Variants in PDSS2 observed in about 807,000 individuals in gnomAD.
PDSS2 encodes decaprenyl diphosphate synthase subunit 2.
Under a neutral mutation model 44.5 loss-of-function variants are expected in PDSS2, and 31 were observed. The observed-to-expected ratio is 0.70, with a 90% CI of 0.52 to 0.94. The LOEUF is 0.94. PDSS2 is among the 40% of genes least tolerant of loss of function. The pLI is 0.00. For synonymous variants in PDSS2, 157 were observed against 180.3 expected, an observed-to-expected ratio of 0.87 and a Z score of 1.03; for missense variants, 452 against 482.2, an observed-to-expected ratio of 0.94 and a Z score of 0.59.
intron 1 of PDSS2, among the ~76,000 whole-genome samples, chr6:107,420,063 T>A (rs972149203): frequency 6.6e-5 from 10 of 152,206 alleles, no homozygotes; most frequent in African/African-American, 2.4e-4. Flanking sequence ...CCTTAAGAAC[T>A]TACCTATCTA....
At chr6:107,287,401 A>T (rs1404617255) in intron 2 of PDSS2, among the ~76,000 whole-genome samples, 1 of 152,230 alleles carries the variant, frequency 6.6e-6, no homozygotes, top group Non-Finnish European at 1.5e-5. Context: ...AAGTTGGTAC[A>T]ATCACTTAGA....
intron 1 of PDSS2, among the ~76,000 whole-genome samples, chr6:107,397,913 A>T (rs1779998435): frequency 6.6e-6 from 1 of 152,222 alleles, no homozygotes. Flanking sequence ...TTGGAAGAGA[A>T]GCATACCTCA....
At chr6:107,312,907 A>G (rs933712930) in intron 2 of PDSS2, among the ~76,000 whole-genome samples, 2 of 152,232 alleles carry the variant, frequency 1.3e-5, no homozygotes, top group African/African-American at 2.4e-5. Context: ...AATTTTATAC[A>G]TGAGTATCCT....
intron 1 of PDSS2, among the ~76,000 whole-genome samples, chr6:107,341,583 T>C (rs1296333225): frequency 6.6e-6 from 1 of 152,150 alleles, no homozygotes; most frequent in African/African-American, 2.4e-5. Context: ...GGAGAATTCC[T>C]ACACTTAAAG....
intron 2 of PDSS2, among the ~76,000 whole-genome samples, chr6:107,292,384 A>C (rs909713928): frequency 1.1e-4 from 16 of 152,336 alleles, no homozygotes; most frequent in Admixed American, 3.9e-4. Flanking sequence ...CAAAAAAGAA[A>C]ACTCAGTATT....
At chr6:107,243,083 T>C (rs947428139) in intron 4 of PDSS2, among the ~76,000 whole-genome samples, 1 of 152,228 alleles carries the variant, frequency 6.6e-6, no homozygotes, top group African/African-American at 2.4e-5. Context: ...TCAAAGACTT[T>C]GTTGCTTCTT....
chr6:107,260,959 G>GC (rs1040459769), intron 3 of PDSS2, among the ~76,000 whole-genome samples: 24 of 152,046 alleles, frequency 1.6e-4, no homozygotes, highest in African/African-American at 4.8e-4. Flanking sequence ...ATCGCGCCTG[G>GC]CCCCCCCTCC....
chr6:107,276,975 AGT>A (rs1775806036), intron 2 of PDSS2, among the ~76,000 whole-genome samples: 3 of 152,234 alleles, frequency 2.0e-5, no homozygotes, highest in African/African-American at 7.2e-5. Context: ...GCAAAGGAAC[AGT>A]CCAGCCAAAC....
At chr6:107,443,583 G>A (rs1781573831) in intron 1 of PDSS2, among the ~76,000 whole-genome samples, 1 of 152,222 alleles carries the variant, frequency 6.6e-6, no homozygotes, top group Non-Finnish European at 1.5e-5. Flanking sequence ...GGAAGGGCAA[G>A]TTTAGCATCA....
At chr6:107,397,314 G>A (rs188291631) in intron 1 of PDSS2, among the ~76,000 whole-genome samples, 3 of 152,110 alleles carry the variant, frequency 2.0e-5, no homozygotes, top group Admixed American at 2.0e-4. Flanking sequence ...TAAAACTGTT[G>A]GAGACTTAAC....
At chr6:107,259,543 C>T (rs941222779) in intron 3 of PDSS2, among the ~76,000 whole-genome samples, 2 of 151,916 alleles carry the variant, frequency 1.3e-5, no homozygotes, top group Non-Finnish European at 2.9e-5. Context: ...GGCGTGGTGG[C>T]ACATGCTTGT....
At chr6:107,161,505 T>C (rs1771132781) in intron 7 of PDSS2, among the ~76,000 whole-genome samples, 1 of 151,776 alleles carries the variant, frequency 6.6e-6, no homozygotes, top group Admixed American at 6.6e-5. Context: ...AAAAAGAAAT[T>C]TGTACTTTTA....
intron 2 of PDSS2, among the ~76,000 whole-genome samples, chr6:107,307,834 C>A (rs1776911666): frequency 6.6e-6 from 1 of 152,150 alleles, no homozygotes; most frequent in African/African-American, 2.4e-5. Flanking sequence ...CAATGAAGTT[C>A]AATCACTTAA....
intron 1 of PDSS2, among the ~76,000 whole-genome samples, chr6:107,445,828 C>T (rs1334444408): frequency 1.3e-5 from 2 of 152,056 alleles, no homozygotes; most frequent in Non-Finnish European, 2.9e-5. Context: ...AAACTAAAGC[C>T]CAGAGAGATA....
intron 7 of PDSS2, chr6:107,192,408 AAAG>A (rs2114522195): frequency 3.8e-5 from 19 of 506,546 alleles, no homozygotes; most frequent in South Asian, 2.8e-4. Context: ...GTCAAAAATC[AAAG>A]AAGAGGCAGT....
chr6:107,407,359 G>A (rs1780353290), intron 1 of PDSS2, among the ~76,000 whole-genome samples: 1 of 152,092 alleles, frequency 6.6e-6, no homozygotes, highest in Admixed American at 6.5e-5. Context: ...ATTAATAGTG[G>A]TGATAGTTGC....
At chr6:107,433,996 A>C (rs1448982046) in intron 1 of PDSS2, among the ~76,000 whole-genome samples, 1 of 152,206 alleles carries the variant, frequency 6.6e-6, no homozygotes, top group Non-Finnish European at 1.5e-5. Flanking sequence ...AGGTATATGA[A>C]AAGGTGCTCA....
intron 7 of PDSS2, among the ~76,000 whole-genome samples, chr6:107,183,617 G>A (rs753579734): frequency 2.4e-4 from 37 of 152,100 alleles, no homozygotes; most frequent in Non-Finnish European, 4.7e-4. Context: ...TGAATCACTT[G>A]AGCTGGGTGC....
intron 1 of PDSS2, among the ~76,000 whole-genome samples, chr6:107,398,466 C>G (rs72941712): frequency 0.069 from 10,528 of 152,144 alleles, 433 homozygotes; most frequent in Non-Finnish European, 0.092. Flanking sequence ...ATTTCTGATA[C>G]AGTAAATATC....
Sources: gnomAD v4.1 joint callset for allele counts (sites outside exome capture counted in the v4.1 genomes callset) on GRCh38, gnomAD v4.1.1 for gene constraint, MANE v1.5 for transcripts, NCBI Gene and HGNC (gene_info 2026-07-23, HGNC 2026-07-21) for gene names.